Variants in PCDHGB6 observed in about 807,000 individuals in gnomAD.
PCDHGB6 encodes protocadherin gamma-B6.
PCDHGB6 carries 51 observed loss-of-function variants against 59.1 expected under a neutral mutation model. That is an observed-to-expected ratio of 0.86 (90% confidence interval 0.69 to 1.09). PCDHGB6 has a LOEUF of 1.09. Ranked by LOEUF, PCDHGB6 falls within the 50% of genes least tolerant of loss-of-function variation. The pLI, the probability that PCDHGB6 is intolerant of heterozygous loss-of-function variation, is 0.00. For synonymous variants in PCDHGB6, 466 were observed against 495.1 expected, an observed-to-expected ratio of 0.94 and a Z score of 0.78; for missense variants, 1,148 against 1,205.1, an observed-to-expected ratio of 0.95 and a Z score of 0.70.
chr5:141,462,623 T>C (rs992165332), intron 1 of PCDHGB6, among the ~76,000 whole-genome samples: 3 of 150,992 alleles, frequency 2.0e-5, no homozygotes, highest in Non-Finnish European at 4.4e-5. Context: ...CTTTTAGAAG[T>C]TCCATTTGAC....
rs140916255 is a variant in PCDHGB6, at chr5:141,475,995, C to A, written c.2419-18812C>A. 2,057 of 1,172,604 alleles carry A rather than the reference C, an allele frequency of 1.8e-3. 30 individuals carry two copies. The African/African-American group carries it at 0.027, about 16-fold the overall frequency. 72.6% of individuals were successfully genotyped at this position (1,172,604 alleles called of 1,614,324 possible). ...ACTGAACAGCCGGCGAGCAAATCAA[C>A]GGCATCCAGAAAGCCATGTCGGACT... On this transcript the variant is annotated intron_variant, in intron 1 of 3. Coordinates refer to ENST00000520790, the MANE Select transcript of PCDHGB6 (RefSeq NM_018926.3).
At chr5:141,415,454 A>G (rs899212436) in intron 1 of PCDHGB6, 2 of 1,614,162 alleles carry the variant, frequency 1.2e-6, no homozygotes, top group Non-Finnish European at 8.5e-7. Flanking sequence ...TATTCCCACG[A>G]GGTCTCTCTC....
At chr5:141,447,657 C>A (rs997179275) in intron 1 of PCDHGB6, among the ~76,000 whole-genome samples, 4 of 152,088 alleles carry the variant, frequency 2.6e-5, no homozygotes, top group Non-Finnish European at 4.4e-5. Context: ...TTTTCCCCCC[C>A]AGGAAGTTAG....
rs778246278 is a variant in PCDHGB6 at position 141,491,522 on chromosome 5, A to C, written c.2419-3285A>C. The C allele has an allele frequency of 6.2e-6, 10 of 1,614,024 alleles. No individual in the cohort carries two copies. The highest frequency in any genetic ancestry group is 8.5e-6 in the Non-Finnish European group (10 of 1,180,002). ...TCGGACGGCACGCTCAAGTACATGGAGGTGACGCTGCGGCCCACAGACTCG... is the reference window on the plus strand; with the variant it reads ...TCGGACGGCACGCTCAAGTACATGGCGGTGACGCTGCGGCCCACAGACTCG... On this transcript the variant is annotated intron_variant, in intron 1 of 3. Coordinates refer to ENST00000520790, the MANE Select transcript of PCDHGB6 (RefSeq NM_018926.3). The surrounding 1 kb of genome is among the most constrained non-coding windows in gnomAD (Gnocchi z 6.9).
chr5:141,501,345 A>G (rs2099808580), intron 2 of PCDHGB6, among the ~76,000 whole-genome samples: 2 of 150,582 alleles, frequency 1.3e-5, no homozygotes, highest in East Asian at 1.9e-4. Context: ...CCCAAACTCA[A>G]TAGGGCAAGA....
chr5:141,454,366 GT>G (rs2098787984), intron 1 of PCDHGB6, among the ~76,000 whole-genome samples: 1 of 152,166 alleles, frequency 6.6e-6, no homozygotes, highest in Admixed American at 6.5e-5. Flanking sequence ...TTAGAAAGGA[GT>G]ATGGCAACTT....
chr5:141,486,637 G>A lies in PCDHGB6; in HGVS notation c.2419-8170G>A, dbSNP rs761072169. On this transcript the variant is annotated intron_variant, in intron 1 of 3. Transcript: ENST00000520790. The surrounding 1 kb of genome is among the most constrained non-coding windows in gnomAD (Gnocchi z 5.0). ...CTGACCCAGACTCTGGCTTGAATGC[G>A]CTTATCTCCTACTCACTCCTGGAGC... 3.1e-5 allele frequency: 50 copies of A among 1,613,520 alleles called. No individual in the cohort carries two copies. The highest frequency in any genetic ancestry group is 5.0e-5 in the Admixed American group (3 of 60,000).
In PCDHGB6 at chr5:141,488,435, C is replaced by T. The variant is rs111661764; in HGVS notation, c.2419-6372C>T. Among the ~76,000 whole-genome samples, 87 of 152,276 alleles carry T rather than the reference C, an allele frequency of 5.7e-4. 1 individual carries two copies. The highest frequency in any genetic ancestry group is 1.6e-3 in the African/African-American group (67 of 41,546). On this transcript the variant is annotated intron_variant, in intron 1 of 3. Transcript: ENST00000520790. ...AAGCCATCCATGCTTGGCCTCTGAC[C>T]ACCCTCCTGGGTGACCTGATTCAGC...
At position 141,409,988 on chromosome 5, in the gene PCDHGB6, GCCGACT is replaced by G; in HGVS notation, c.1788_1793del (p.Asp597_Ser598del). ...AGTGACTAAGGTGGTAGCGGTGGACGCCGACTCGGGACACAACGCCTGGCTGTCCTA... is the reference window on the plus strand; with the variant it reads ...AGTGACTAAGGTGGTAGCGGTGGACGCGGGACACAACGCCTGGCTGTCCTA... On this transcript the variant is annotated inframe_deletion, in exon 1 of 4. Transcript: ENST00000520790. 1 of 1,613,278 alleles carries G rather than the reference GCCGACT, an allele frequency of 6.2e-7. No individual in the cohort carries two copies. Among genetic ancestry groups the G allele is most frequent in the East Asian group, 2.2e-5 (1 of 44,872 alleles).
intron 1 of PCDHGB6, among the ~76,000 whole-genome samples, chr5:141,444,402 C>A (rs916833331): frequency 6.6e-6 from 1 of 151,932 alleles, no homozygotes; most frequent in Admixed American, 6.6e-5. Flanking sequence ...AACTCCCAAC[C>A]TCAGGTGATC....
In PCDHGB6 at chr5:141,432,006, C is replaced by T. The variant is rs138689793; in HGVS notation, c.2418+21386C>T. Reference sequence around the variant, plus strand: ...ATAGTCTTGGATAGGGAACAGGTTCCTAGCTACAACATCACAGTGACCGCC... The same window carrying T: ...ATAGTCTTGGATAGGGAACAGGTTCTTAGCTACAACATCACAGTGACCGCC... On this transcript the variant is annotated intron_variant, in intron 1 of 3. Transcript: ENST00000520790. This position sits in a 1 kb window ranked among gnomAD's most constrained non-coding sequence, Gnocchi z 6.0. The T allele has an allele frequency of 2.6e-4, 412 of 1,614,186 alleles. 2 individuals carry two copies. The African/African-American group carries it at 4.6e-3, about 18-fold the overall frequency.
chr5:141,424,018 CACAA>C (rs909442976), intron 1 of PCDHGB6: 3 of 1,051,682 alleles, frequency 2.9e-6, no homozygotes, highest in South Asian at 4.6e-5. Context: ...ATTAATGATT[CACAA>C]ACACTTTTTA....
intron 2 of PCDHGB6, among the ~76,000 whole-genome samples, chr5:141,498,945 G>C (rs1421135706): frequency 8.0e-6 from 1 of 125,434 alleles, no homozygotes; most frequent in Non-Finnish European, 1.6e-5. Context: ...AAGAAAGAAA[G>C]AAAAAGAGAG....
At chr5:141,415,749 T>TG in intron 1 of PCDHGB6, 2 of 1,214,000 alleles carry the variant, frequency 1.6e-6, no homozygotes, top group Non-Finnish European at 1.1e-6. Context: ...GGTTTTTTTT[T>TG]TTTTTTTTTT....
At position 141,489,503 on chromosome 5, in the gene PCDHGB6, A is replaced by T; in HGVS notation, c.2419-5304A>T. 1 of 1,614,092 alleles carries T rather than the reference A, an allele frequency of 6.2e-7. No homozygotes were observed. ...ATGAGTGGTGCCCTGGCAGTGAATC[A>T]AAAGATTGACCGAGAAAGCCTATGT... is the stretch of plus-strand genomic sequence containing the variant. On this transcript the variant is annotated intron_variant, in intron 1 of 3. Transcript: ENST00000520790. The surrounding 1 kb of genome is among the most constrained non-coding windows in gnomAD (Gnocchi z 4.5).
chr5:141,503,221 C>T (rs528636727), intron 2 of PCDHGB6, among the ~76,000 whole-genome samples: 34 of 152,074 alleles, frequency 2.2e-4, no homozygotes, highest in Middle Eastern at 6.8e-3. Flanking sequence ...CCATGAGCAC[C>T]GTAAAGATGG....
intron 3 of PCDHGB6, among the ~76,000 whole-genome samples, chr5:141,508,439 T>C (rs1037512760): frequency 1.3e-5 from 2 of 152,188 alleles, no homozygotes; most frequent in African/African-American, 4.8e-5. Flanking sequence ...ACACAGTTCC[T>C]TAGTGGCAGA....
At chr5:141,422,002 G>A (rs754599902) in intron 1 of PCDHGB6, 41 of 1,609,306 alleles carry the variant, frequency 2.5e-5, no homozygotes, top group Non-Finnish European at 3.1e-5. Flanking sequence ...CATCAGCTCC[G>A]GAACTCGGGT....
intron 1 of PCDHGB6, among the ~76,000 whole-genome samples, chr5:141,488,738 A>G (rs1462948813): frequency 1.3e-5 from 2 of 152,222 alleles, no homozygotes; most frequent in Non-Finnish European, 2.9e-5. Context: ...TTCTGAAGTC[A>G]TGCAGGAAGT....
Sources: allele counts gnomAD v4.1 joint callset (sites outside exome capture counted in the v4.1 genomes callset), GRCh38; gene constraint gnomAD v4.1.1; non-coding constraint Gnocchi (gnomAD v3.1); transcripts MANE v1.5; gene names NCBI Gene and HGNC (gene_info 2026-07-23, HGNC 2026-07-21).